ZDHHC20: variants seen among roughly 807,000 people sequenced by gnomAD.
ZDHHC20 encodes the protein zDHHC palmitoyltransferase 20, also known as palmitoyltransferase ZDHHC20.
In ZDHHC20, 43 loss-of-function variants were observed where a neutral mutation model predicts 57.8. The ratio of observed to expected loss-of-function variants is 0.74; its 90% confidence interval spans 0.58 to 0.96. The LOEUF (loss-of-function observed/expected upper bound fraction) is 0.96, where lower values mean the gene tolerates loss of function less well. Among genes scored for constraint, ZDHHC20 ranks in the 40% least tolerant of loss-of-function variants. The probability of loss-of-function intolerance (pLI) is 0.00; values close to 1 mark genes in which losing one functional copy is unlikely to be tolerated. For synonymous variants in ZDHHC20, 157 were observed against 153.0 expected (o/e 1.03, Z -0.19); for missense variants, 391 against 441.1 (o/e 0.89, Z 1.02).
intron 2 of ZDHHC20, among the ~76,000 whole-genome samples, chr13:21,424,756 A>G (rs1360502165): frequency 1.3e-5 from 2 of 151,968 alleles, no homozygotes; most frequent in Non-Finnish European, 2.9e-5. Flanking sequence ...AATAGCCCCA[A>G]GAGATAATGA....
At chr13:21,377,116 G>A (rs950891623) in intron 12 of ZDHHC20, 1 of 165,628 alleles carries the variant, frequency 6.0e-6, no homozygotes. Flanking sequence ...CTACTCCACA[G>A]CTCCAGCTCT....
intron 1 of ZDHHC20, among the ~76,000 whole-genome samples, chr13:21,444,556 TTA>T (rs1449496637): frequency 2.0e-5 from 3 of 152,160 alleles, no homozygotes; most frequent in Non-Finnish European, 4.4e-5. Flanking sequence ...ATTAGTAAAT[TTA>T]TGTTGTTCTA....
intron 2 of ZDHHC20, among the ~76,000 whole-genome samples, chr13:21,424,043 G>T (rs1220902812): frequency 6.6e-6 from 1 of 151,872 alleles, no homozygotes; most frequent in Admixed American, 6.6e-5. Flanking sequence ...AAAAGAAAAT[G>T]GTTTTGCTTA....
intron 10 of ZDHHC20, 85 bp downstream of exon 10, chr13:21,382,835 T>A: frequency 8.9e-7 from 1 of 1,124,826 alleles, no homozygotes; most frequent in Non-Finnish European, 1.3e-6. Flanking sequence ...ATCACTACTG[T>A]ATTTACTCAT....
In ZDHHC20 at chr13:21,375,352, T is replaced by G; in HGVS notation, c.*1344A>C. ...GCAATCAATTATTTTGGGGGGGGTG[T>G]GTGTGTGTGTGTGTCTGTCTGTCTA... On this transcript the variant is annotated 3_prime_UTR_variant, in exon 13 of 13. Transcript: ENST00000400590. 2 of 348,610 alleles carry G rather than the reference T, an allele frequency of 5.7e-6. No homozygotes were observed. The highest frequency in any genetic ancestry group is 1.6e-4 in the East Asian group (2 of 12,244). The allele number at this position is 348,610 out of a possible 1,614,324, so 21.6% of individuals were successfully genotyped here.
At chr13:21,439,147 A>G (rs2137994602) in intron 1 of ZDHHC20, among the ~76,000 whole-genome samples, 1 of 152,326 alleles carries the variant, frequency 6.6e-6, no homozygotes, top group East Asian at 1.9e-4. Flanking sequence ...GTATGCCTGC[A>G]ATTCTCTGAA....
intron 1 of ZDHHC20, among the ~76,000 whole-genome samples, chr13:21,429,340 C>T (rs1409138947): frequency 6.6e-6 from 1 of 152,210 alleles, no homozygotes; most frequent in East Asian, 1.9e-4. Flanking sequence ...TCTGAATGTA[C>T]AACTGTCAAC....
intron 1 of ZDHHC20, among the ~76,000 whole-genome samples, chr13:21,444,292 A>G (rs1029713531): frequency 5.9e-5 from 9 of 152,232 alleles, no homozygotes; most frequent in African/African-American, 2.2e-4. Flanking sequence ...TATTATGTAC[A>G]TCAACATAGA....
chr13:21,384,943 A>G (rs904214515), intron 9 of ZDHHC20, among the ~76,000 whole-genome samples: 7 of 152,208 alleles, frequency 4.6e-5, no homozygotes, highest in African/African-American at 1.7e-4. Context: ...AAAGTAGCAC[A>G]TATGTGATCT....
At chr13:21,449,059 T>G (rs1203303425) in intron 1 of ZDHHC20, among the ~76,000 whole-genome samples, 1 of 131,822 alleles carries the variant, frequency 7.6e-6, no homozygotes, top group Non-Finnish European at 1.7e-5. Flanking sequence ...TGATCTCAAG[T>G]AATCAGGGAC....
Position 21,396,964 on chromosome 13 carries a change from C to T in ZDHHC20, c.594+3409G>A, listed in dbSNP as rs569481371. ...TTAGGAGTCCTTTGTGAGATATATG[C>T]GTTGTAAATATCTTCTCCCAGTCAG... On this transcript the variant is annotated intron_variant, in intron 7 of 12. Coordinates refer to ENST00000400590, the MANE Select transcript of ZDHHC20 (RefSeq NM_001330059.2). 1.9e-4 allele frequency among the ~76,000 whole-genome samples: 29 copies of T among 152,244 alleles called. No homozygotes were observed. The South Asian group carries it at 3.5e-3, about 19-fold the overall frequency.
chr13:21,437,263 G>A (rs1290510154), intron 1 of ZDHHC20, among the ~76,000 whole-genome samples: 2 of 152,206 alleles, frequency 1.3e-5, no homozygotes, highest in Admixed American at 6.5e-5. Context: ...AGTACAGGAC[G>A]AAGCAGCAAG....
At chr13:21,423,382 T>G (rs1880860520) in intron 2 of ZDHHC20, among the ~76,000 whole-genome samples, 1 of 152,158 alleles carries the variant, frequency 6.6e-6, no homozygotes, top group South Asian at 2.1e-4. Flanking sequence ...ATGGACTCAG[T>G]ATCATTGCTT....
Position 21,373,321 on chromosome 13 carries a change from A to G in ZDHHC20, c.*3375T>C, listed in dbSNP as rs544702728. 3.3e-5 allele frequency: 5 copies of G among 152,310 alleles called. No individual in the cohort carries two copies. Among genetic ancestry groups the G allele is most frequent in the Admixed American group, 6.5e-5 (1 of 15,290 alleles). 9.4% of individuals were successfully genotyped at this position (152,310 alleles called of 1,614,324 possible). A position where few individuals can be genotyped will look rare whatever the true frequency, so the allele number is the denominator to read the frequency against. On this transcript the variant is annotated 3_prime_UTR_variant, in exon 13 of 13. Transcript: ENST00000400590. ...ACTGAAAGATCTCACATGCCTGATA[A>G]TCCTTAATTTAAACCGTCCTGTAAA... is the stretch of plus-strand genomic sequence containing the variant.
At chr13:21,421,016 C>T in intron 3 of ZDHHC20, 45 bp downstream of exon 3, 1 of 1,510,726 alleles carries the variant, frequency 6.6e-7, no homozygotes, top group East Asian at 2.3e-5. Context: ...AAAAAAATTC[C>T]ATAATCAGTT....
In ZDHHC20 at chr13:21,411,555, T is replaced by A. The variant is rs531075966; in HGVS notation, c.370+2097A>T. ...AACATCAGGAATGAGTATCTTCTTT[T>A]CTCTTTCCCCTACCCTTCTCCACTC... On this transcript the variant is annotated intron_variant, in intron 4 of 12. Coordinates refer to ENST00000400590, the MANE Select transcript of ZDHHC20 (RefSeq NM_001330059.2). Among the ~76,000 whole-genome samples, 5 of 152,244 alleles carry A rather than the reference T, an allele frequency of 3.3e-5. No homozygotes were observed. The South Asian group carries it at 1.0e-3, about 32-fold the overall frequency.
chr13:21,452,781 G>T (rs1172312487), intron 1 of ZDHHC20, among the ~76,000 whole-genome samples: 1 of 152,022 alleles, frequency 6.6e-6, no homozygotes, highest in Non-Finnish European at 1.5e-5. Context: ...CATGTTATAA[G>T]CCCTAAAGCA....
chr13:21,388,254 A>G (rs1350011837), intron 8 of ZDHHC20, among the ~76,000 whole-genome samples: 1 of 152,172 alleles, frequency 6.6e-6, no homozygotes, highest in Admixed American at 6.5e-5. Flanking sequence ...CTGGAGAAAG[A>G]TACAGGCTTC....
chr13:21,400,620 A>C, intron 6 of ZDHHC20, 127 bp from the exon 7 acceptor site: 1 of 925,384 alleles, frequency 1.1e-6, no homozygotes, highest in Non-Finnish European at 1.6e-6. Context: ...AATGCGAATA[A>C]AATTTCAGTT....
Sources: allele counts gnomAD v4.1 joint callset (sites outside exome capture counted in the v4.1 genomes callset), GRCh38; gene constraint gnomAD v4.1.1; transcripts MANE v1.5; gene names NCBI Gene and HGNC (gene_info 2026-07-23, HGNC 2026-07-21).